Variants in RASAL1 observed in about 807,000 individuals in gnomAD.
RASAL1 encodes the protein rasGAP-activating-like protein 1.
In RASAL1, 72 loss-of-function variants were observed where a neutral mutation model predicts 96.6. That is an observed-to-expected ratio of 0.75 (90% CI 0.62 to 0.91). RASAL1 has a LOEUF of 0.91. Ranked by LOEUF, RASAL1 falls within the 40% of genes least tolerant of loss-of-function variation. RASAL1 has a pLI of 0.00. For missense variants in RASAL1, 1,016 were observed against 1,072.5 expected (o/e 0.95, Z 0.74); for synonymous variants, 405 against 430.4 (o/e 0.94, Z 0.73).
Position 113,127,887 on chromosome 12 carries a change from G to A in RASAL1, c.237-14C>T, listed in dbSNP as rs1951549466. 1.2e-6 allele frequency: 2 copies of A among 1,612,470 alleles called. No individual in the cohort carries two copies. Among genetic ancestry groups the A allele is most frequent in the Non-Finnish European group, 1.7e-6 (2 of 1,178,886 alleles). Reference sequence around the variant, plus strand: ...ATGTCGTCGTGCCTGCAGGAAGGCGGGCACGTGAAGGTCTGAGTCAGGGGC... The same window carrying A: ...ATGTCGTCGTGCCTGCAGGAAGGCGAGCACGTGAAGGTCTGAGTCAGGGGC... On this transcript the variant is annotated splice_polypyrimidine_tract_variant and intron_variant, in intron 3 of 20. Coordinates refer to ENST00000548055, the MANE Select transcript of RASAL1 (RefSeq NM_001301202.2).
At chr12:113,132,261 C>A (rs1450197645) in intron 1 of RASAL1, among the ~76,000 whole-genome samples, 1 of 152,158 alleles carries the variant, frequency 6.6e-6, no homozygotes. Flanking sequence ...GCGTGAGCCA[C>A]CACAGCCGGC....
chr12:113,116,968 G>A, intron 8 of RASAL1, 105 bp downstream of exon 8: 2 of 821,766 alleles, frequency 2.4e-6, no homozygotes, highest in South Asian at 2.1e-5. Context: ...AATGCATGAA[G>A]TGGCATAGTG....
chr12:113,123,234 T>TGAAA (rs1286154386), intron 4 of RASAL1, among the ~76,000 whole-genome samples: 1 of 152,236 alleles, frequency 6.6e-6, no homozygotes, highest in Non-Finnish European at 1.5e-5. Context: ...CTAAAGTCTT[T>TGAAA]GTGGGTCTAA....
chr12:113,118,145 AC>A (rs1380419821), intron 7 of RASAL1, among the ~76,000 whole-genome samples: 4 of 152,120 alleles, frequency 2.6e-5, no homozygotes, highest in Non-Finnish European at 5.9e-5. Flanking sequence ...AATTCCTTGA[AC>A]CCAGGAGGTG....
At chr12:113,134,630 G>C (rs1951843861) in intron 1 of RASAL1, among the ~76,000 whole-genome samples, 1 of 152,220 alleles carries the variant, frequency 6.6e-6, no homozygotes, top group African/African-American at 2.4e-5. Context: ...GCCCCTTCTG[G>C]GCACTATGCC....
chr12:113,102,017 A>T lies in RASAL1; in HGVS notation c.2105-8T>A. ...TACGGCTGCAGCCGGCGGCTGAGGGAACACAGCTTCATTCATCAGTAACTC... is the reference window on the plus strand; with the variant it reads ...TACGGCTGCAGCCGGCGGCTGAGGGTACACAGCTTCATTCATCAGTAACTC... On this transcript the variant is annotated splice_region_variant and splice_polypyrimidine_tract_variant and intron_variant, in intron 18 of 20. Transcript: ENST00000548055. The T allele has an allele frequency of 1.2e-6, 2 of 1,612,038 alleles. No homozygotes were observed. Among genetic ancestry groups the T allele is most frequent in the South Asian group, 2.2e-5 (2 of 90,812 alleles).
intron 13 of RASAL1, among the ~76,000 whole-genome samples, chr12:113,111,004 T>C (rs1950846318): frequency 6.6e-6 from 1 of 152,240 alleles, no homozygotes; most frequent in Non-Finnish European, 1.5e-5. Context: ...CATTCCTATA[T>C]GGCAGTGATC....
At chr12:113,126,686 T>TCACACA (rs751428777) in intron 4 of RASAL1, among the ~76,000 whole-genome samples, 55 of 141,596 alleles carry the variant, frequency 3.9e-4, no homozygotes, top group South Asian at 1.1e-3. Flanking sequence ...TGTCTCTCTC[T>TCACACA]CTCACACACA....
At chr12:113,105,618 C>A in intron 16 of RASAL1, 96 bp downstream of exon 16, 14 of 1,336,306 alleles carry the variant, frequency 1.0e-5, no homozygotes, top group Non-Finnish European at 1.4e-5. Flanking sequence ...GGGGCCTTGC[C>A]CCACTGTGGG....
Position 113,114,456 on chromosome 12 carries a change from A to T in RASAL1, c.1181+344T>A, listed in dbSNP as rs868364555. ...ACCACTGCACCCCAGCCTGGGTGACAGAGTAAAACCTTGTCTCAAAAAAAA... is the reference window on the plus strand; with the variant it reads ...ACCACTGCACCCCAGCCTGGGTGACTGAGTAAAACCTTGTCTCAAAAAAAA... On this transcript the variant is annotated intron_variant, in intron 12 of 20. Transcript: ENST00000548055. Among the ~76,000 whole-genome samples, 3 of 145,980 alleles carry T rather than the reference A, an allele frequency of 2.1e-5. No homozygotes were observed. The South Asian group carries it at 6.7e-4, about 33-fold the overall frequency.
rs984418815 is a variant in RASAL1 at position 113,129,924 on chromosome 12, G to A, written c.122+961C>T. Reference sequence around the variant, plus strand: ...AGAGACAGCAGCCTGGGGTCACACAGAAAATCAATCTGTGGGTTTGGGGTG... The same window carrying A: ...AGAGACAGCAGCCTGGGGTCACACAAAAAATCAATCTGTGGGTTTGGGGTG... On this transcript the variant is annotated intron_variant, in intron 2 of 20. Coordinates refer to ENST00000548055, the MANE Select transcript of RASAL1 (RefSeq NM_001301202.2). This position sits in a 1 kb window ranked among gnomAD's most constrained non-coding sequence, Gnocchi z 5.0. Among the ~76,000 whole-genome samples, 8 of 152,326 alleles carry A rather than the reference G, an allele frequency of 5.3e-5. No homozygotes were observed. Among genetic ancestry groups the A allele is most frequent in the Middle Eastern group, 3.4e-3 (1 of 294 alleles).
At chr12:113,113,797 G>A (rs1301134497) in intron 12 of RASAL1, among the ~76,000 whole-genome samples, 1 of 152,188 alleles carries the variant, frequency 6.6e-6, no homozygotes, top group African/African-American at 2.4e-5. Context: ...GTTCTGGAGA[G>A]AAAGGAGGAG....
intron 7 of RASAL1, among the ~76,000 whole-genome samples, chr12:113,117,994 C>T (rs1263063702): frequency 1.3e-5 from 2 of 152,102 alleles, no homozygotes; most frequent in Non-Finnish European, 2.9e-5. Context: ...GAGGATGAGG[C>T]GGGCAGATCA....
Position 113,117,114 on chromosome 12 carries a change from C to G in RASAL1, c.690G>C (p.Trp230Cys). Residue 230 changes from tryptophan to cysteine, a missense_variant, in exon 8 of 21, where the codon TGG becomes TGC. Transcript: ENST00000548055. ...CTCTGGGAAAGGGCAGGAGGCGGAACCAGCCTTTAGGTGGCTTCTGCTGGA... is the reference window on the plus strand; with the variant it reads ...CTCTGGGAAAGGGCAGGAGGCGGAAGCAGCCTTTAGGTGGCTTCTGCTGGA... ...KTLQQKPPKG[W>C]FRLLPFPRAE... is the part of the protein sequence containing the mutation. 6.2e-7 allele frequency: 1 copy of G among 1,611,032 alleles called. No homozygotes were observed. Among genetic ancestry groups the G allele is most frequent in the Non-Finnish European group, 8.5e-7 (1 of 1,177,792 alleles).
At chr12:113,114,409 C>T (rs774378731) in intron 12 of RASAL1, among the ~76,000 whole-genome samples, 3 of 149,250 alleles carry the variant, frequency 2.0e-5, no homozygotes, top group South Asian at 2.1e-4. Flanking sequence ...GGGAAGTTGA[C>T]GCTGCAGTGA....
chr12:113,117,149 G>A lies in RASAL1; in HGVS notation c.655C>T (p.Pro219Ser). 1 of 1,601,164 alleles carries A rather than the reference G, an allele frequency of 6.2e-7. No individual in the cohort carries two copies. Among genetic ancestry groups the A allele is most frequent in the Non-Finnish European group, 8.5e-7 (1 of 1,169,982 alleles). The change falls in exon 8 of 21, where the codon CCA (proline) becomes TCA (serine). Residue 219 changes from proline to serine, a missense_variant. Physicochemically the swap from Pro to Ser is moderately conservative, Grantham distance 74. Coordinates refer to ENST00000548055, the MANE Select transcript of RASAL1 (RefSeq NM_001301202.2). ...NDFLGMVEFS[P>S]KTLQQKPPKG... The stretch of plus-strand genomic sequence containing the variant: ...GGTGGCTTCTGCTGGAGGGTCTTTG[G>A]AGAGAACTCCACCTTTTGAGAGAGA...
intron 12 of RASAL1, among the ~76,000 whole-genome samples, chr12:113,113,509 C>T (rs1566049707): frequency 6.6e-6 from 1 of 152,156 alleles, no homozygotes; most frequent in Admixed American, 6.5e-5. Flanking sequence ...AAGCCCTCAA[C>T]TTGGAGTCTC....
At chr12:113,121,841 C>T (rs921574055) in intron 4 of RASAL1, among the ~76,000 whole-genome samples, 1 of 152,026 alleles carries the variant, frequency 6.6e-6, no homozygotes, top group East Asian at 1.9e-4. Flanking sequence ...CCTGCCTCAC[C>T]CTCCCGACCA....
intron 14 of RASAL1, chr12:113,107,449 C>T: frequency 1.5e-6 from 1 of 657,270 alleles, no homozygotes; most frequent in Non-Finnish European, 2.7e-6. Flanking sequence ...ATGGTGATAC[C>T]TCATCTCTAC....
Sources: gnomAD v4.1 joint callset for allele counts (sites outside exome capture counted in the v4.1 genomes callset) on GRCh38, gnomAD v4.1.1 for gene constraint, Gnocchi (gnomAD v3.1) non-coding constraint, MANE v1.5 for transcripts, NCBI Gene and HGNC (gene_info 2026-07-23, HGNC 2026-07-21) for gene names.